The following MGAT4C variants were observed in gnomAD, a reference collection of about 807,000 sequenced individuals.
The protein encoded by MGAT4C is alpha-1,3-mannosyl-glycoprotein 4-beta-N-acetylglucosaminyltransferase C.
A neutral mutation model predicts 40.1 loss-of-function variants in MGAT4C; 19 were observed. That is an observed-to-expected ratio of 0.47 (90% CI 0.33 to 0.70). The LOEUF is 0.70. Ranked by LOEUF, MGAT4C falls within the 30% of genes least tolerant of loss-of-function variation. The pLI is 0.02. For missense variants in MGAT4C, 491 were observed against 563.2 expected (o/e 0.87, Z 1.30); for synonymous variants, 181 against 187.1 (o/e 0.97, Z 0.27).
chr12:86,319,970 T>C (rs997465002), intron 4 of MGAT4C, among the ~76,000 whole-genome samples: 2 of 152,208 alleles, frequency 1.3e-5, no homozygotes, highest in African/African-American at 4.8e-5. Context: ...TGAGTGAATT[T>C]AGTTTTACAG....
At chr12:86,733,954 T>A (rs1334921211) in intron 1 of MGAT4C, among the ~76,000 whole-genome samples, 1 of 152,066 alleles carries the variant, frequency 6.6e-6, no homozygotes, top group African/African-American at 2.4e-5. Flanking sequence ...AAAATATGTA[T>A]CCACTACATG....
intron 2 of MGAT4C, among the ~76,000 whole-genome samples, chr12:86,494,459 A>G (rs1234321939): frequency 6.6e-6 from 1 of 151,910 alleles, no homozygotes; most frequent in Non-Finnish European, 1.5e-5. Context: ...TCCTATTTTT[A>G]TCAAACTAAA....
chr12:86,770,277 C>G (rs1220533604), intron 1 of MGAT4C, among the ~76,000 whole-genome samples: 1 of 151,804 alleles, frequency 6.6e-6, no homozygotes, highest in African/African-American at 2.4e-5. Context: ...ACCTGGTCTA[C>G]CAAATTTATA....
chr12:86,680,725 C>T (rs895332633), intron 2 of MGAT4C, among the ~76,000 whole-genome samples: 23 of 151,926 alleles, frequency 1.5e-4, no homozygotes, highest in Admixed American at 3.9e-4. Context: ...TACAGTGCTC[C>T]GAAGGTAAAT....
chr12:86,310,624 A>AT (rs1297524616), intron 4 of MGAT4C, among the ~76,000 whole-genome samples: 1 of 152,122 alleles, frequency 6.6e-6, no homozygotes, highest in Non-Finnish European at 1.5e-5. Flanking sequence ...CATGCTTACT[A>AT]TTAAAAAGTT....
At chr12:86,757,193 A>C (rs1038310646) in intron 1 of MGAT4C, among the ~76,000 whole-genome samples, 13 of 149,556 alleles carry the variant, frequency 8.7e-5, no homozygotes, top group African/African-American at 3.2e-4. Flanking sequence ...AGGGAGGGGA[A>C]CATCACACAC....
chr12:86,410,022 C>A (rs553951710), intron 3 of MGAT4C, among the ~76,000 whole-genome samples: 1 of 152,110 alleles, frequency 6.6e-6, no homozygotes, highest in African/African-American at 2.4e-5. Flanking sequence ...GGTGTACGAA[C>A]AGGGAGTAGG....
chr12:86,118,314 T>C (rs2135671802), intron 1 of MGAT4C, among the ~76,000 whole-genome samples: 2 of 152,194 alleles, frequency 1.3e-5, no homozygotes, highest in South Asian at 4.1e-4. Context: ...AGGAACAAGA[T>C]CCAAATGTTA....
At chr12:86,578,457 T>C (rs1960649171) in intron 2 of MGAT4C, among the ~76,000 whole-genome samples, 1 of 151,856 alleles carries the variant, frequency 6.6e-6, no homozygotes, top group Non-Finnish European at 1.5e-5. Flanking sequence ...AGTAGTTCTT[T>C]ACATGTTTGG....
intron 2 of MGAT4C, among the ~76,000 whole-genome samples, chr12:86,653,533 A>G (rs965670959): frequency 2.0e-5 from 3 of 151,922 alleles, no homozygotes; most frequent in African/African-American, 7.2e-5. Context: ...TTTTAGCTTT[A>G]GCCTTCAGAC....
At chr12:86,748,245 A>T (rs189157054) in intron 1 of MGAT4C, among the ~76,000 whole-genome samples, 212 of 151,650 alleles carry the variant, frequency 1.4e-3, no homozygotes, top group African/African-American at 4.9e-3. Context: ...TCATCAACTC[A>T]TTTTCATATA....
intron 2 of MGAT4C, among the ~76,000 whole-genome samples, chr12:86,648,684 T>C (rs778117415): frequency 7.9e-5 from 12 of 151,900 alleles, no homozygotes; most frequent in Non-Finnish European, 1.8e-4. Flanking sequence ...TGAACTGTGA[T>C]AAATAAGTGC....
chr12:86,322,061 A>G (rs1220743426), intron 4 of MGAT4C, among the ~76,000 whole-genome samples: 1 of 152,078 alleles, frequency 6.6e-6, no homozygotes, highest in East Asian at 1.9e-4. Context: ...GGATGAGTTC[A>G]TGTCCTTTAC....
chr12:86,357,024 T>C lies in MGAT4C; in HGVS notation c.-119-22897A>G, dbSNP rs182195340. Among the ~76,000 whole-genome samples, 448 of 152,278 alleles carry C rather than the reference T, an allele frequency of 2.9e-3. 2 individuals are homozygous for C. Among genetic ancestry groups the C allele is most frequent in the African/African-American group, 0.01 (427 of 41,562 alleles). On this transcript the variant is annotated intron_variant, in intron 3 of 7. Coordinates refer to the MGAT4C transcript ENST00000548651. ...ATCTGAGAATGGATAGACTGCCTCC[T>C]CAAGTGTGTCCCTGACCCCCAAGTA... is the stretch of plus-strand genomic sequence containing the variant.
chr12:86,602,462 G>T (rs1043738640), intron 2 of MGAT4C, among the ~76,000 whole-genome samples: 1 of 152,190 alleles, frequency 6.6e-6, no homozygotes, highest in Admixed American at 6.5e-5. Flanking sequence ...AGAGCACAAT[G>T]TCATCCTTCC....
intron 2 of MGAT4C, among the ~76,000 whole-genome samples, chr12:86,571,590 A>G (rs1960367184): frequency 6.6e-6 from 1 of 152,034 alleles, no homozygotes; most frequent in South Asian, 2.1e-4. Flanking sequence ...TTATGAATAC[A>G]GTATGCGTGA....
intron 1 of MGAT4C, among the ~76,000 whole-genome samples, chr12:86,111,681 C>A (rs1329055260): frequency 1.3e-5 from 2 of 151,706 alleles, no homozygotes; most frequent in African/African-American, 4.8e-5. Context: ...CAAACCTTTC[C>A]TAAAAACACT....
intron 1 of MGAT4C, among the ~76,000 whole-genome samples, chr12:86,797,909 T>C (rs1437888935): frequency 6.6e-6 from 1 of 152,032 alleles, no homozygotes; most frequent in African/African-American, 2.4e-5. Context: ...GTTAAATTCA[T>C]ATACATTTCT....
chr12:86,073,933 C>G (rs2202208), intron 1 of MGAT4C, among the ~76,000 whole-genome samples: 31,300 of 151,746 alleles, frequency 0.21, 4,244 homozygotes, highest in African/African-American at 0.38. Flanking sequence ...TTTGGAGGGG[C>G]CAGGGGTGAA....
Sources: gnomAD v4.1 joint callset for allele counts (sites outside exome capture counted in the v4.1 genomes callset) on GRCh38, gnomAD v4.1.1 for gene constraint, MANE v1.5 for transcripts, NCBI Gene and HGNC (gene_info 2026-07-23, HGNC 2026-07-21) for gene names.